ADTRP: variants seen among roughly 807,000 people sequenced by gnomAD.
The protein encoded by ADTRP is androgen-dependent TFPI-regulating protein.
ADTRP carries 20 observed loss-of-function variants against 27.0 expected under a neutral mutation model. The ratio of observed to expected loss-of-function variants is 0.74; its 90% CI spans 0.52 to 1.08. The LOEUF (loss-of-function observed/expected upper bound fraction) is 1.08, where lower values mean the gene tolerates loss of function less well. Among genes scored for constraint, ADTRP ranks in the 50% least tolerant of loss-of-function variants. The probability of loss-of-function intolerance (pLI) is 0.00; values close to 1 mark genes in which losing one functional copy is unlikely to be tolerated. For synonymous variants in ADTRP, 101 were observed against 105.2 expected, an observed-to-expected ratio of 0.96 and a Z score of 0.25; for missense variants, 251 against 275.0, an observed-to-expected ratio of 0.91 and a Z score of 0.62.
intron 4 of ADTRP, among the ~76,000 whole-genome samples, chr6:11,732,904 G>A (rs763117818): frequency 1.4e-4 from 21 of 152,226 alleles, no homozygotes. Context: ...TAGCTGAATG[G>A]TTTTGCACAC....
intron 4 of ADTRP, 106 bp downstream of exon 4, chr6:11,735,462 A>C (rs1269943795): frequency 3.9e-6 from 3 of 776,768 alleles, no homozygotes. Flanking sequence ...TTAAATCCTT[A>C]TTAAACCAAG....
chr6:11,765,877 G>C (rs1763555873), intron 3 of ADTRP, among the ~76,000 whole-genome samples: 1 of 152,150 alleles, frequency 6.6e-6, no homozygotes, highest in South Asian at 2.1e-4. Flanking sequence ...TACTTAAGTA[G>C]CTGCTGCTCA....
chr6:11,731,507 G>A (rs1228233118), intron 4 of ADTRP, among the ~76,000 whole-genome samples: 1 of 152,160 alleles, frequency 6.6e-6, no homozygotes, highest in East Asian at 1.9e-4. Flanking sequence ...TCATGAGTGG[G>A]TAGTTCCAGG....
intron 1 of ADTRP, among the ~76,000 whole-genome samples, chr6:11,769,466 C>T (rs1035246894): frequency 1.3e-5 from 2 of 152,158 alleles, no homozygotes; most frequent in Non-Finnish European, 2.9e-5. Context: ...AGACCAGCTA[C>T]ACCCATCACC....
intron 5 of ADTRP, 41 bp downstream of exon 5, chr6:11,723,308 C>T (rs778020940): frequency 1.4e-5 from 22 of 1,605,154 alleles, no homozygotes; most frequent in Middle Eastern, 3.3e-4. Flanking sequence ...GAGGCAGACA[C>T]GGAAGAAGCG....
At chr6:11,774,795 C>A (rs1763899777) in intron 1 of ADTRP, among the ~76,000 whole-genome samples, 1 of 152,322 alleles carries the variant, frequency 6.6e-6, no homozygotes, top group South Asian at 2.1e-4. Flanking sequence ...CTGAGCCTTG[C>A]CCTAAACCCC....
chr6:11,746,011 G>A lies in ADTRP; in HGVS notation c.391-10328C>T, dbSNP rs867884214. On this transcript the variant is annotated intron_variant, in intron 3 of 5. Coordinates refer to ENST00000414691, the MANE Select transcript of ADTRP (RefSeq NM_032744.4). ...TCACCATGTTGGCCAGGCTGGTCTCGAACTCCTGACCTCAAGTGATCTGCC... is the reference window on the plus strand; with the variant it reads ...TCACCATGTTGGCCAGGCTGGTCTCAAACTCCTGACCTCAAGTGATCTGCC... Among the ~76,000 whole-genome samples, 5 of 152,220 alleles carry A rather than the reference G, an allele frequency of 3.3e-5. No individual in the cohort carries two copies. In the South Asian group the frequency reaches 6.2e-4, roughly 19 times the overall value.
In ADTRP at chr6:11,734,564, A is replaced by G. The variant is rs1270147006; in HGVS notation, c.506+1004T>C. 3.9e-5 allele frequency among the ~76,000 whole-genome samples: 6 copies of G among 152,304 alleles called. No homozygotes were observed. In the East Asian group the frequency reaches 1.2e-3, roughly 29 times the overall value. ...GGAAAGAGGGGCACAGAAAGGTGGG[A>G]GGGGTAGACACCACAAAAGGGAAGG... On this transcript the variant is annotated intron_variant, in intron 4 of 5. Transcript: ENST00000414691.
chr6:11,750,467 C>T (rs1200122673), intron 3 of ADTRP, among the ~76,000 whole-genome samples: 1 of 152,210 alleles, frequency 6.6e-6, no homozygotes, highest in East Asian at 1.9e-4. Context: ...ACTAAATAAA[C>T]AGCATGCACC....
At chr6:11,717,578 G>A (rs186199323) in intron 5 of ADTRP, among the ~76,000 whole-genome samples, 2 of 152,314 alleles carry the variant, frequency 1.3e-5, no homozygotes, top group East Asian at 3.9e-4. Flanking sequence ...ATGAATGCCA[G>A]GCATTGAAAA....
chr6:11,775,179 G>A (rs1215169549), intron 1 of ADTRP, among the ~76,000 whole-genome samples: 2 of 152,130 alleles, frequency 1.3e-5, no homozygotes, highest in East Asian at 1.9e-4. Flanking sequence ...CCTCCACCCC[G>A]CAACAACCTA....
At chr6:11,721,831 A>C (rs765695486) in intron 5 of ADTRP, among the ~76,000 whole-genome samples, 1 of 152,204 alleles carries the variant, frequency 6.6e-6, no homozygotes, top group Non-Finnish European at 1.5e-5. Flanking sequence ...TAGTAATTTC[A>C]ATAATAATAA....
chr6:11,752,198 C>G (rs1303651600), intron 3 of ADTRP, among the ~76,000 whole-genome samples: 1 of 152,038 alleles, frequency 6.6e-6, no homozygotes, highest in Non-Finnish European at 1.5e-5. Context: ...ATTTCCATTA[C>G]TTTCTTGTTG....
At chr6:11,765,228 T>C (rs1486088532) in intron 3 of ADTRP, among the ~76,000 whole-genome samples, 1 of 151,622 alleles carries the variant, frequency 6.6e-6, no homozygotes, top group Non-Finnish European at 1.5e-5. Flanking sequence ...TTTAAGACCA[T>C]GGAAAGATGG....
intron 4 of ADTRP, among the ~76,000 whole-genome samples, chr6:11,735,231 C>T (rs1313692330): frequency 1.3e-5 from 2 of 152,200 alleles, no homozygotes; most frequent in East Asian, 1.9e-4. Context: ...ATCCCTCAGC[C>T]ATTCAAGCAT....
chr6:11,719,424 G>A (rs1761940656), intron 5 of ADTRP, among the ~76,000 whole-genome samples: 1 of 152,200 alleles, frequency 6.6e-6, no homozygotes, highest in Non-Finnish European at 1.5e-5. Flanking sequence ...TAACTGGGAA[G>A]CTTTAAAAAA....
At chr6:11,765,254 G>C (rs1763525553) in intron 3 of ADTRP, among the ~76,000 whole-genome samples, 1 of 151,624 alleles carries the variant, frequency 6.6e-6, no homozygotes, top group South Asian at 2.1e-4. Context: ...AGTGAGGGTG[G>C]AAGAAAGTCT....
chr6:11,767,371 C>T (rs1029388166), intron 2 of ADTRP, among the ~76,000 whole-genome samples: 17 of 152,154 alleles, frequency 1.1e-4, no homozygotes, highest in Admixed American at 2.0e-4. Context: ...AAAGCTTGGT[C>T]ATTAGAAGAT....
At position 11,778,644 on chromosome 6, in the gene ADTRP, T is replaced by C. The variant is rs370265437; in HGVS notation, c.116A>G (p.Asn39Ser). ...CGTCATATATTTCCACCTTGCACCA[T>C]TTGCCAAGATTTTGGGTTTCACCTC... ...KDEVKPKILA[N>S]GARWKYMTLL... Residue 39 changes from asparagine (N) to serine (S), a missense_variant, in exon 1 of 6, where the codon AAT becomes AGT. Transcript: ENST00000414691. 3.1e-6 allele frequency: 5 copies of C among 1,614,070 alleles called. No homozygotes were observed. The highest frequency in any genetic ancestry group is 1.7e-5 in the Admixed American group (1 of 60,002).
Sources: gnomAD v4.1 joint callset for allele counts (sites outside exome capture counted in the v4.1 genomes callset) on GRCh38, gnomAD v4.1.1 for gene constraint, MANE v1.5 for transcripts, NCBI Gene and HGNC (gene_info 2026-07-23, HGNC 2026-07-21) for gene names.